The following EVC variants were observed in gnomAD, a reference collection of about 807,000 sequenced individuals.
EVC encodes the protein EvC ciliary complex subunit 1.
Under a neutral mutation model 118.9 loss-of-function variants are expected in EVC, and 116 were observed. The ratio of observed to expected loss-of-function variants is 0.98; its 90% CI spans 0.84 to 1.14. EVC has a LOEUF of 1.14. Ranked by LOEUF, EVC falls within the 50% of genes most tolerant of loss-of-function variation. EVC has a pLI of 0.00. For synonymous variants in EVC, 619 were observed against 534.7 expected, an observed-to-expected ratio of 1.16 and a Z score of -2.18; for missense variants, 1,401 against 1,246.4, an observed-to-expected ratio of 1.12 and a Z score of -1.87.
Position 5,754,084 on chromosome 4 carries a change from T to G in EVC, c.1464+151T>G. 9.9e-7 allele frequency: 1 copy of G among 1,012,576 alleles called. No individual in the cohort carries two copies. Among genetic ancestry groups the G allele is most frequent in the Non-Finnish European group, 1.5e-6 (1 of 664,422 alleles). 62.7% of individuals were successfully genotyped at this position (1,012,576 alleles called of 1,614,324 possible). ...GCCGAGTGACCGAATCTCAGTCCCT[T>G]AGCCCCTACATCCCTAGGGTCCTAG... On this transcript the variant is annotated intron_variant, in intron 10 of 20. Coordinates refer to ENST00000264956, the MANE Select transcript of EVC (RefSeq NM_153717.3). This position sits in a 1 kb window ranked among gnomAD's most constrained non-coding sequence, Gnocchi z 5.8.
At chr4:5,823,318 A>T in the EVC span, among the ~76,000 whole-genome samples, 2 of 152,194 alleles carry the variant, frequency 1.3e-5, no homozygotes, top group Admixed American at 1.3e-4. Context: ...CTGGTAGACA[A>T]TATGTCTTCT....
At chr4:5,727,605 T>G (rs1265422362) in intron 2 of EVC, among the ~76,000 whole-genome samples, 1 of 151,866 alleles carries the variant, frequency 6.6e-6, no homozygotes, top group Non-Finnish European at 1.5e-5. Context: ...TTTTGGCTTT[T>G]GTTGCCATTG....
intron 1 of EVC, among the ~76,000 whole-genome samples, chr4:5,714,257 C>T (rs1002423520): frequency 1.3e-5 from 2 of 152,106 alleles, no homozygotes; most frequent in African/African-American, 4.8e-5. Context: ...TTTTATCTTG[C>T]ATTGCTTTCC....
In EVC at chr4:5,811,349, C is replaced by T. The variant is rs1486418052; in HGVS notation, c.*312C>T. ...CGTCTTGAGGGGTCCGAGCCTCAGG[C>T]CAAGGACCCCTGATGCAGACTCTGG... On this transcript the variant is annotated 3_prime_UTR_variant, in exon 21 of 21. Transcript: ENST00000264956. 2.6e-6 allele frequency: 1 copy of T among 382,922 alleles called. No individual in the cohort carries two copies. The highest frequency in any genetic ancestry group is 4.9e-6 in the Non-Finnish European group (1 of 202,786). 23.7% of individuals were successfully genotyped at this position (382,922 alleles called of 1,614,324 possible). A position where few individuals can be genotyped will look rare whatever the true frequency, so the allele number is the denominator to read the frequency against.
chr4:5,782,231 G>A (rs1036070416), intron 11 of EVC, among the ~76,000 whole-genome samples: 6 of 151,106 alleles, frequency 4.0e-5, no homozygotes, highest in Non-Finnish European at 7.4e-5. Context: ...GCGCCACCAC[G>A]CCCGGCTAAT....
chr4:5,828,061 TA>T, the EVC span: 3 of 985,310 alleles, frequency 3.0e-6, no homozygotes, highest in African/African-American at 5.2e-5. Context: ...ATGCCAGGGG[TA>T]ACACCTTGCT....
At chr4:5,803,299 C>T (rs1405912788) in intron 16 of EVC, among the ~76,000 whole-genome samples, 1 of 152,218 alleles carries the variant, frequency 6.6e-6, no homozygotes, top group Non-Finnish European at 1.5e-5. Flanking sequence ...GAGTGTTTCT[C>T]CTCTCAGCTG....
chr4:5,753,508 G>T (rs1275248838), intron 9 of EVC, among the ~76,000 whole-genome samples: 1 of 152,156 alleles, frequency 6.6e-6, no homozygotes, highest in African/African-American at 2.4e-5. Context: ...GGCAGGAAGG[G>T]GAGCCGTGCA....
At chr4:5,779,325 C>T (rs1459983591) in intron 11 of EVC, among the ~76,000 whole-genome samples, 1 of 152,004 alleles carries the variant, frequency 6.6e-6, no homozygotes, top group Admixed American at 6.6e-5. Context: ...GCGATGCGGG[C>T]TCCTTTTTGG....
chr4:5,793,971 G>A (rs1033608481), intron 13 of EVC, among the ~76,000 whole-genome samples: 2 of 151,748 alleles, frequency 1.3e-5, no homozygotes, highest in Non-Finnish European at 2.9e-5. Context: ...TTTATTTTAC[G>A]AGTACAATTC....
At chr4:5,732,301 C>G (rs185693867) in intron 4 of EVC, among the ~76,000 whole-genome samples, 1 of 152,298 alleles carries the variant, frequency 6.6e-6, no homozygotes, top group East Asian at 1.9e-4. Flanking sequence ...CTCCAAAATT[C>G]CGCTGAGTCC....
intron 3 of EVC, 102 bp downstream of exon 3, chr4:5,729,492 T>C (rs1726438256): frequency 8.4e-7 from 1 of 1,190,418 alleles, no homozygotes; most frequent in Admixed American, 1.8e-5. Context: ...TTGGTCCTGT[T>C]TGAGGGTTTT....
chr4:5,739,445 G>T (rs148151856), intron 5 of EVC, among the ~76,000 whole-genome samples: 2 of 152,114 alleles, frequency 1.3e-5, no homozygotes, highest in Non-Finnish European at 2.9e-5. Flanking sequence ...AAGTTGCTGG[G>T]CATTTTCTCA....
At position 5,798,580 on chromosome 4, in the gene EVC, T is replaced by A. The variant is rs1193287799; in HGVS notation, c.2098-6T>A. The A allele has an allele frequency of 6.4e-7, 1 of 1,556,778 alleles. No individual in the cohort carries two copies. Among genetic ancestry groups the A allele is most frequent in the Non-Finnish European group, 8.7e-7 (1 of 1,151,184 alleles). ...TGGCCCCTGCTCCCAGTCCTTTCCCTCCCAGGAGGCGCGTGTGCTGGAGGA... is the reference window on the plus strand; with the variant it reads ...TGGCCCCTGCTCCCAGTCCTTTCCCACCCAGGAGGCGCGTGTGCTGGAGGA... On this transcript the variant is annotated splice_region_variant and splice_polypyrimidine_tract_variant and intron_variant, in intron 14 of 20. Transcript: ENST00000264956. The surrounding 1 kb of genome is among the most constrained non-coding windows in gnomAD (Gnocchi z 4.1).
intron 11 of EVC, among the ~76,000 whole-genome samples, chr4:5,759,373 T>C (rs1731662844): frequency 6.6e-6 from 1 of 152,188 alleles, no homozygotes; most frequent in Non-Finnish European, 1.5e-5. Flanking sequence ...CTACCTATCC[T>C]GCCTTACGTG....
chr4:5,826,094 A>G, the EVC span: 1 of 240,442 alleles, frequency 4.2e-6, no homozygotes, highest in South Asian at 4.9e-5. Context: ...ACACACACTC[A>G]TACAGGTATA....
chr4:5,730,601 G>C (rs1161094738), intron 3 of EVC, among the ~76,000 whole-genome samples: 1 of 151,980 alleles, frequency 6.6e-6, no homozygotes, highest in African/African-American at 2.4e-5. Context: ...TGCCTGAGTG[G>C]ATTGAAATAC....
chr4:5,751,342 A>G (rs1025981627), intron 8 of EVC, among the ~76,000 whole-genome samples: 3 of 151,878 alleles, frequency 2.0e-5, no homozygotes, highest in Admixed American at 2.0e-4. Context: ...CTCCACTTCC[A>G]TCCTCCCTCC....
At chr4:5,828,519 G>A in the EVC span, 1 of 1,614,228 alleles carries the variant, frequency 6.2e-7, no homozygotes, top group Non-Finnish European at 8.5e-7. Context: ...GCTGGTACAG[G>A]TGCTCCGGGA....
Sources: gnomAD v4.1 joint callset for allele counts (sites outside exome capture counted in the v4.1 genomes callset) on GRCh38, gnomAD v4.1.1 for gene constraint, Gnocchi (gnomAD v3.1) non-coding constraint, MANE v1.5 for transcripts, NCBI Gene and HGNC (gene_info 2026-07-23, HGNC 2026-07-21) for gene names.